The following TCF4 variants were observed in gnomAD, a reference collection of about 807,000 sequenced individuals.
TCF4 encodes the protein SL3-3 enhancer factor 2.
Under a neutral mutation model 82.1 loss-of-function variants are expected in TCF4, and 3 were observed. The ratio of observed to expected loss-of-function variants is 0.04; its 90% CI spans 0.02 to 0.09. The LOEUF is 0.09. TCF4 is among the 10% of genes least tolerant of loss of function. The pLI, the probability that TCF4 is intolerant of heterozygous loss-of-function variation, is 1.00. For missense variants in TCF4, 518 were observed against 852.7 expected, an observed-to-expected ratio of 0.61 and a Z score of 4.89; for synonymous variants, 276 against 309.6, an observed-to-expected ratio of 0.89 and a Z score of 1.14.
intron 8 of TCF4, among the ~76,000 whole-genome samples, chr18:55,285,554 T>C (rs1297654375): frequency 1.3e-5 from 2 of 152,222 alleles, no homozygotes; most frequent in Non-Finnish European, 2.9e-5. Context: ...TAAAATTAAA[T>C]GTTCTGTCCC....
rs182075950 is a variant in TCF4 at position 55,366,189 on chromosome 18, G to C, written c.370-15186C>G. Among the ~76,000 whole-genome samples, 511 of 152,192 alleles carry C rather than the reference G, an allele frequency of 3.4e-3. 2 individuals are homozygous for C. Among genetic ancestry groups the C allele is most frequent in the South Asian group, 7.7e-3 (37 of 4,818 alleles). On this transcript the variant is annotated intron_variant, in intron 6 of 19. Coordinates refer to ENST00000354452, the MANE Select transcript of TCF4 (RefSeq NM_001083962.2). Reference sequence around the variant, plus strand: ...TTGGCTTTTGTTTTTCTTCAGAAAAGGTAGATATTTATTTATTTGTTCATT... The same window carrying C: ...TTGGCTTTTGTTTTTCTTCAGAAAACGTAGATATTTATTTATTTGTTCATT...
intron 3 of TCF4, among the ~76,000 whole-genome samples, chr18:55,498,346 T>C (rs1364278252): frequency 1.3e-5 from 2 of 152,174 alleles, no homozygotes; most frequent in Non-Finnish European, 2.9e-5. Context: ...AGCCTAGACT[T>C]TAAAGCATAA....
intron 2 of TCF4, among the ~76,000 whole-genome samples, chr18:55,621,458 ATATAT>A (rs2097718206): frequency 9.1e-6 from 1 of 110,158 alleles, no homozygotes; most frequent in South Asian, 2.4e-4. Flanking sequence ...AATATATATA[ATATAT>A]AATATATATA....
intron 11 of TCF4, among the ~76,000 whole-genome samples, 199 bp from the exon 12 acceptor site, chr18:55,261,732 T>A (rs2058118690): frequency 6.6e-6 from 1 of 152,218 alleles, no homozygotes; most frequent in African/African-American, 2.4e-5. Context: ...AATATAAACC[T>A]GACACCTTGG....
intron 6 of TCF4, 107 bp downstream of exon 6, chr18:55,403,347 G>T: frequency 1.6e-6 from 2 of 1,260,682 alleles, no homozygotes; most frequent in Non-Finnish European, 1.2e-6. Flanking sequence ...CTGACTTGCC[G>T]GTGCATCTTT....
At chr18:55,340,417 A>C (rs2079637860) in intron 8 of TCF4, among the ~76,000 whole-genome samples, 1 of 150,346 alleles carries the variant, frequency 6.7e-6, no homozygotes, top group Non-Finnish European at 1.5e-5. Context: ...TGTCTCTACC[A>C]AAAAAAAAGA....
chr18:55,395,354 T>C (rs2093426035), intron 6 of TCF4, among the ~76,000 whole-genome samples: 1 of 152,208 alleles, frequency 6.6e-6, no homozygotes, highest in Non-Finnish European at 1.5e-5. Flanking sequence ...GTAGTCCTAA[T>C]TGCTAGAAGC....
At chr18:55,533,587 G>A (rs2097089543) in intron 3 of TCF4, among the ~76,000 whole-genome samples, 1 of 152,176 alleles carries the variant, frequency 6.6e-6, no homozygotes, top group African/African-American at 2.4e-5. Flanking sequence ...TCAAAGATAA[G>A]TTTTCCTAGA....
chr18:55,483,953 G>C (rs1226583687), intron 3 of TCF4, among the ~76,000 whole-genome samples: 1 of 152,198 alleles, frequency 6.6e-6, no homozygotes, highest in African/African-American at 2.4e-5. Flanking sequence ...ATTTTTCAAA[G>C]CACTTTCGTG....
chr18:55,618,202 T>A (rs2097714113), intron 2 of TCF4, among the ~76,000 whole-genome samples: 1 of 152,190 alleles, frequency 6.6e-6, no homozygotes, highest in African/African-American at 2.4e-5. Flanking sequence ...TACTTCTTCT[T>A]CATCTATTGA....
chr18:55,480,928 ACT>A (rs1402238456), intron 3 of TCF4, among the ~76,000 whole-genome samples: 3 of 151,872 alleles, frequency 2.0e-5, no homozygotes, highest in African/African-American at 7.3e-5. Context: ...ATATGGTAAA[ACT>A]CTGTCTCTAC....
At chr18:55,510,522 G>C (rs899256798) in intron 3 of TCF4, 15 of 1,316,596 alleles carry the variant, frequency 1.1e-5, no homozygotes, top group Non-Finnish European at 1.5e-5. Flanking sequence ...GAAGTCGATA[G>C]ATCAAACATT....
intron 5 of TCF4, among the ~76,000 whole-genome samples, chr18:55,409,317 G>A (rs1197887137): frequency 6.6e-6 from 1 of 151,964 alleles, no homozygotes; most frequent in African/African-American, 2.4e-5. Flanking sequence ...GATTTACATT[G>A]TATCTAGCAT....
intron 6 of TCF4, among the ~76,000 whole-genome samples, chr18:55,378,665 T>C (rs1021395383): frequency 6.6e-6 from 1 of 152,226 alleles, no homozygotes. Context: ...GGTCTCCATA[T>C]AGTGGGACAG....
At chr18:55,507,184 G>A (rs1190678158) in intron 3 of TCF4, among the ~76,000 whole-genome samples, 1 of 152,056 alleles carries the variant, frequency 6.6e-6, no homozygotes, top group African/African-American at 2.4e-5. Context: ...GGGGAACTTT[G>A]CCCTTGTAAC....
chr18:55,249,305 T>C (rs2054286268), intron 15 of TCF4, among the ~76,000 whole-genome samples: 2 of 152,218 alleles, frequency 1.3e-5, no homozygotes, highest in South Asian at 4.1e-4. Context: ...GAATGCTCTT[T>C]TGATAGACTG....
At chr18:55,417,721 G>A (rs1035894770) in intron 5 of TCF4, among the ~76,000 whole-genome samples, 3 of 152,158 alleles carry the variant, frequency 2.0e-5, no homozygotes, top group Non-Finnish European at 4.4e-5. Context: ...TAGGGACAAC[G>A]TAATGTAAAG....
chr18:55,451,561 T>C (rs2095623784), intron 5 of TCF4, among the ~76,000 whole-genome samples: 1 of 152,200 alleles, frequency 6.6e-6, no homozygotes, highest in Admixed American at 6.5e-5. Context: ...TCTAAGAATA[T>C]ATAATGTGAA....
chr18:55,351,202 CT>C, intron 6 of TCF4, 199 bp from the exon 7 acceptor site: 1 of 599,688 alleles, frequency 1.7e-6, no homozygotes, highest in Non-Finnish European at 2.9e-6. Flanking sequence ...TAATTCTTTA[CT>C]TTTAGGAGGA....
Sources: gnomAD v4.1 joint callset for allele counts (sites outside exome capture counted in the v4.1 genomes callset) on GRCh38, gnomAD v4.1.1 for gene constraint, MANE v1.5 for transcripts, NCBI Gene and HGNC (gene_info 2026-07-23, HGNC 2026-07-21) for gene names.